Variants in XKR9 observed in about 807,000 individuals in gnomAD.
The protein encoded by XKR9 is XK-related protein 9.
XKR9 carries 32 observed loss-of-function variants against 32.0 expected under a neutral mutation model. That is an observed-to-expected ratio of 1.00 (90% CI 0.76 to 1.34). XKR9 has a LOEUF of 1.34. XKR9 is among the 40% of genes most tolerant of loss of function. The pLI is 0.00. For missense variants in XKR9, 546 were observed against 429.7 expected (o/e 1.27, Z -2.39); for synonymous variants, 168 against 143.4 (o/e 1.17, Z -1.22).
the XKR9 span, among the ~76,000 whole-genome samples, chr8:70,845,793 TG>T: frequency 6.6e-6 from 1 of 151,980 alleles, no homozygotes; most frequent in Non-Finnish European, 1.5e-5. Flanking sequence ...CCAAAGCCCA[TG>T]TGACATATAT....
chr8:70,790,728 G>A (rs1474374760), downstream of XKR9, among the ~76,000 whole-genome samples: 3 of 152,008 alleles, frequency 2.0e-5, no homozygotes, highest in Non-Finnish European at 4.4e-5. Context: ...CTGCAATTTT[G>A]TTTTTTCCTG....
the XKR9 span, among the ~76,000 whole-genome samples, chr8:70,933,523 A>G: frequency 6.6e-6 from 1 of 151,980 alleles, no homozygotes; most frequent in African/African-American, 2.4e-5. Flanking sequence ...TGGAGAAAGT[A>G]GTTAATGGTA....
the XKR9 span, among the ~76,000 whole-genome samples, chr8:70,870,147 C>G: frequency 6.6e-6 from 1 of 152,122 alleles, no homozygotes; most frequent in South Asian, 2.1e-4. Context: ...AAGGTCTTAA[C>G]TAGTATGATA....
intron 2 of XKR9, among the ~76,000 whole-genome samples, chr8:70,778,991 T>A (rs1227328811): frequency 6.6e-6 from 1 of 152,192 alleles, no homozygotes; most frequent in Admixed American, 6.5e-5. Flanking sequence ...CTATGTTGAA[T>A]AGGAGTGGTG....
chr8:71,063,283 A>T, the XKR9 span, among the ~76,000 whole-genome samples: 7,691 of 152,236 alleles, frequency 0.051, 830 homozygotes, highest in East Asian at 0.28. Context: ...TTTCCCTGGC[A>T]TATTCACCTC....
the XKR9 span, among the ~76,000 whole-genome samples, chr8:70,798,262 G>T: frequency 6.6e-6 from 1 of 151,988 alleles, no homozygotes; most frequent in African/African-American, 2.4e-5. Context: ...ACTGGTGTGA[G>T]GTAGTATCTC....
At chr8:71,065,384 G>A in the XKR9 span, among the ~76,000 whole-genome samples, 1 of 152,156 alleles carries the variant, frequency 6.6e-6, no homozygotes, top group Admixed American at 6.5e-5. Flanking sequence ...GACACAACAA[G>A]ATATCAGTCA....
At chr8:70,855,885 T>C in the XKR9 span, among the ~76,000 whole-genome samples, 1 of 152,128 alleles carries the variant, frequency 6.6e-6, no homozygotes, top group African/African-American at 2.4e-5. Context: ...CCAAGCTTCA[T>C]AAGTGAAGGA....
chr8:70,813,191 G>A, the XKR9 span, among the ~76,000 whole-genome samples: 2 of 152,180 alleles, frequency 1.3e-5, no homozygotes, highest in Non-Finnish European at 2.9e-5. Flanking sequence ...AAGCAATGGG[G>A]AAAGGATTCC....
At chr8:70,854,114 A>C in the XKR9 span, among the ~76,000 whole-genome samples, 1 of 152,190 alleles carries the variant, frequency 6.6e-6, no homozygotes, top group Non-Finnish European at 1.5e-5. Context: ...TGACTTCCAC[A>C]ATGGTTGAAC....
At chr8:70,831,681 A>G in the XKR9 span, among the ~76,000 whole-genome samples, 141 of 152,232 alleles carry the variant, frequency 9.3e-4, no homozygotes, top group Non-Finnish European at 1.2e-3. Context: ...TATGAAACTT[A>G]TATTCAGATT....
At chr8:71,045,208 G>A in the XKR9 span, among the ~76,000 whole-genome samples, 1 of 152,156 alleles carries the variant, frequency 6.6e-6, no homozygotes, top group Non-Finnish European at 1.5e-5. Context: ...CTATAGCAAG[G>A]GCTGCCACTT....
the XKR9 span, among the ~76,000 whole-genome samples, chr8:70,880,128 A>G: frequency 6.6e-6 from 1 of 152,192 alleles, no homozygotes; most frequent in East Asian, 1.9e-4. Context: ...TGTATCTCAA[A>G]TAATAAGAGC....
At chr8:70,880,562 C>T in the XKR9 span, among the ~76,000 whole-genome samples, 1 of 152,088 alleles carries the variant, frequency 6.6e-6, no homozygotes, top group Non-Finnish European at 1.5e-5. Flanking sequence ...ATCCAACTTA[C>T]AAGGAATGTG....
chr8:71,063,413 T>C, the XKR9 span, among the ~76,000 whole-genome samples: 1 of 152,316 alleles, frequency 6.6e-6, no homozygotes, highest in Non-Finnish European at 1.5e-5. Flanking sequence ...GTCATCTATC[T>C]GGCTGTTGTA....
At chr8:70,805,329 C>A in the XKR9 span, among the ~76,000 whole-genome samples, 1 of 152,218 alleles carries the variant, frequency 6.6e-6, no homozygotes, top group Non-Finnish European at 1.5e-5. Flanking sequence ...AGTGTCTCAC[C>A]CCAGAGCTGC....
chr8:70,886,224 CT>C, the XKR9 span, among the ~76,000 whole-genome samples: 1 of 152,128 alleles, frequency 6.6e-6, no homozygotes, highest in East Asian at 1.9e-4. Context: ...ATGAACTCAT[CT>C]TTTTTTATGG....
At chr8:70,736,890 G>T (rs1340715175), downstream of XKR9, among the ~76,000 whole-genome samples, 1 of 152,022 alleles carries the variant, frequency 6.6e-6, no homozygotes, top group African/African-American at 2.4e-5. Flanking sequence ...ATAGTTTGAA[G>T]TCAGGTAGCG....
intron 3 of XKR9, among the ~76,000 whole-genome samples, chr8:70,691,198 A>G (rs1465487980): frequency 1.3e-5 from 2 of 152,156 alleles, no homozygotes; most frequent in East Asian, 1.9e-4. Context: ...TGTTTGCCAC[A>G]TGTATGTCTT....
Sources: gnomAD v4.1 joint callset for allele counts (sites outside exome capture counted in the v4.1 genomes callset) on GRCh38, gnomAD v4.1.1 for gene constraint, MANE v1.5 for transcripts, NCBI Gene and HGNC (gene_info 2026-07-23, HGNC 2026-07-21) for gene names.